FERRY3: variants seen among roughly 807,000 people sequenced by gnomAD.
The protein encoded by FERRY3 is protein C12orf4.
chr12:4,530,101 T>A, the FERRY3 span: 5 of 1,514,824 alleles, frequency 3.3e-6, no homozygotes, highest in Non-Finnish European at 4.5e-6. Context: ...TATTTTTATT[T>A]AACACACTAC....
At chr12:4,510,768 C>A in the FERRY3 span, among the ~76,000 whole-genome samples, 1 of 145,392 alleles carries the variant, frequency 6.9e-6, no homozygotes, top group African/African-American at 2.6e-5. Context: ...AAAGGAACAA[C>A]CGGTACCAGC....
chr12:4,495,245 T>C, the FERRY3 span, among the ~76,000 whole-genome samples: 1 of 152,206 alleles, frequency 6.6e-6, no homozygotes, highest in Non-Finnish European at 1.5e-5. Flanking sequence ...AACCCACATG[T>C]AGGAATAAAT....
chr12:4,515,893 T>C, the FERRY3 span, among the ~76,000 whole-genome samples: 20 of 152,308 alleles, frequency 1.3e-4, no homozygotes, highest in East Asian at 9.6e-4. Flanking sequence ...TCTGTGTACA[T>C]TGAATCGTCA....
At chr12:4,536,113 G>A in the FERRY3 span, 16 of 1,608,920 alleles carry the variant, frequency 9.9e-6, no homozygotes, top group Non-Finnish European at 1.4e-5. Context: ...GGCACTCTCA[G>A]TTCTAAGCAC....
At chr12:4,535,218 A>C in the FERRY3 span, among the ~76,000 whole-genome samples, 3 of 152,194 alleles carry the variant, frequency 2.0e-5, no homozygotes, top group African/African-American at 7.2e-5. This position sits in a 1 kb window ranked among gnomAD's most constrained non-coding sequence, Gnocchi z 4.0. Context: ...TGTGGTTCAC[A>C]ATCTTAAGTG....
the FERRY3 span, chr12:4,489,926 A>G: frequency 7.3e-7 from 1 of 1,371,058 alleles, no homozygotes; most frequent in Admixed American, 1.8e-5. Context: ...TAATAATTGC[A>G]CTTGTTAAAT....
At chr12:4,515,825 T>C in the FERRY3 span, among the ~76,000 whole-genome samples, 2 of 152,198 alleles carry the variant, frequency 1.3e-5, no homozygotes, top group African/African-American at 2.4e-5. Context: ...CACAGAAAAG[T>C]GGTAACTATC....
chr12:4,535,183 T>C, the FERRY3 span, among the ~76,000 whole-genome samples: 1 of 152,212 alleles, frequency 6.6e-6, no homozygotes, highest in African/African-American at 2.4e-5. The surrounding 1 kb of genome is among the most constrained non-coding windows in gnomAD (Gnocchi z 4.0). Context: ...GCTCTATTAT[T>C]ATCACTATGT....
the FERRY3 span, among the ~76,000 whole-genome samples, chr12:4,532,509 T>C: frequency 9.9e-5 from 15 of 152,196 alleles, no homozygotes; most frequent in African/African-American, 3.4e-4. Flanking sequence ...CCAGCCCAGA[T>C]AGTCATCGTT....
the FERRY3 span, among the ~76,000 whole-genome samples, chr12:4,517,802 C>T: frequency 6.6e-6 from 1 of 150,960 alleles, no homozygotes; most frequent in African/African-American, 2.4e-5. Flanking sequence ...CATGTGATTG[C>T]TCTTTTTGTT....
At chr12:4,515,556 A>G in the FERRY3 span, among the ~76,000 whole-genome samples, 1 of 152,160 alleles carries the variant, frequency 6.6e-6, no homozygotes, top group Non-Finnish European at 1.5e-5. Flanking sequence ...TAAGCCAGAC[A>G]CAGAAAAACA....
At chr12:4,491,317 G>GGATAGTCAAC in the FERRY3 span, 1 of 1,242,194 alleles carries the variant, frequency 8.1e-7, no homozygotes, top group Non-Finnish European at 1.2e-6. Flanking sequence ...CTATAGTGTT[G>GGATAGTCAAC]ACTATCCATG....
the FERRY3 span, among the ~76,000 whole-genome samples, chr12:4,527,095 A>G: frequency 6.6e-6 from 1 of 152,150 alleles, no homozygotes; most frequent in African/African-American, 2.4e-5. Flanking sequence ...ATAACTGCTA[A>G]CCATTTATAA....
At chr12:4,517,149 GA>G in the FERRY3 span, 1 of 1,589,624 alleles carries the variant, frequency 6.3e-7, no homozygotes, top group Non-Finnish European at 8.6e-7. Context: ...CAATTCGGGG[GA>G]AATGGAAGTC....
the FERRY3 span, among the ~76,000 whole-genome samples, chr12:4,522,814 T>C: frequency 2.0e-5 from 3 of 152,354 alleles, no homozygotes; most frequent in Admixed American, 1.3e-4. Flanking sequence ...AAATGGATGA[T>C]AGAATAGTAC....
chr12:4,537,205 T>C, the FERRY3 span, among the ~76,000 whole-genome samples: 1 of 152,238 alleles, frequency 6.6e-6, no homozygotes, highest in African/African-American at 2.4e-5. Flanking sequence ...TTCCTTTGCC[T>C]AGAGCACTCT....
the FERRY3 span, among the ~76,000 whole-genome samples, chr12:4,501,656 C>T: frequency 2.6e-4 from 40 of 152,158 alleles, no homozygotes; most frequent in Non-Finnish European, 5.1e-4. Flanking sequence ...CTCCCATCAC[C>T]CCTAGATGGG....
At chr12:4,531,521 G>C in the FERRY3 span, among the ~76,000 whole-genome samples, 1,797 of 152,302 alleles carry the variant, frequency 0.012, 38 homozygotes, top group African/African-American at 0.04. Flanking sequence ...ACTAAGCATA[G>C]GTTTTTCCTT....
At chr12:4,504,445 G>A in the FERRY3 span, among the ~76,000 whole-genome samples, 1 of 152,140 alleles carries the variant, frequency 6.6e-6, no homozygotes, top group Non-Finnish European at 1.5e-5. Flanking sequence ...AGAGGATTGA[G>A]AGACTGAATT....
Sources: allele counts gnomAD v4.1 joint callset (sites outside exome capture counted in the v4.1 genomes callset), GRCh38; gene constraint gnomAD v4.1.1; non-coding constraint Gnocchi (gnomAD v3.1); transcripts MANE v1.5; gene names NCBI Gene and HGNC (gene_info 2026-07-23, HGNC 2026-07-21).